The following PNPLA7 variants were observed in gnomAD, a reference collection of about 807,000 sequenced individuals.
PNPLA7 encodes patatin-like phospholipase domain-containing protein 7.
PNPLA7 carries 153 observed loss-of-function variants against 161.7 expected under a neutral mutation model. That is an observed-to-expected ratio of 0.95 (90% CI 0.83 to 1.08). The LOEUF (loss-of-function observed/expected upper bound fraction) is 1.08. PNPLA7 is among the 50% of genes least tolerant of loss of function. The probability of loss-of-function intolerance (pLI) is 0.00; values close to 1 mark genes in which losing one functional copy is unlikely to be tolerated. For missense variants in PNPLA7, 1,739 were observed against 1,856.6 expected, an observed-to-expected ratio of 0.94 and a Z score of 1.16; for synonymous variants, 809 against 782.1, an observed-to-expected ratio of 1.03 and a Z score of -0.57.
intron 8 of PNPLA7, among the ~76,000 whole-genome samples, chr9:137,527,035 G>A (rs1835335797): frequency 2.6e-5 from 4 of 152,048 alleles, no homozygotes; most frequent in East Asian, 1.9e-4. Flanking sequence ...TTGGGAGGCC[G>A]AGGCAGGTAG....
At chr9:137,513,393 T>G (rs1834339500) in intron 12 of PNPLA7, among the ~76,000 whole-genome samples, 1 of 151,748 alleles carries the variant, frequency 6.6e-6, no homozygotes, top group South Asian at 2.1e-4. Context: ...GGAGAATCAC[T>G]TGGACCTGGG....
At chr9:137,539,506 T>C (rs1166364906) in intron 8 of PNPLA7, among the ~76,000 whole-genome samples, 1 of 152,276 alleles carries the variant, frequency 6.6e-6, no homozygotes, top group South Asian at 2.1e-4. Context: ...ACCTCATCTC[T>C]ATCTCTACAA....
chr9:137,502,730 G>GGGGGGACGGGGGGGACGCGGGGGACGA (rs1554767770), intron 14 of PNPLA7, among the ~76,000 whole-genome samples: 1 of 40,986 alleles, frequency 2.4e-5, no homozygotes, highest in African/African-American at 1.4e-4. Flanking sequence ...GCGGGGGACG[G>GGGGGGACGGGGGGGACGCGGGGGACGA]GGGGGACGAG....
chr9:137,548,825 T>A (rs1450562355), intron 1 of PNPLA7, among the ~76,000 whole-genome samples: 2 of 152,110 alleles, frequency 1.3e-5, no homozygotes, highest in African/African-American at 4.8e-5. Flanking sequence ...CAAGACAGAA[T>A]GAGGACGTGC....
At chr9:137,522,325 C>T (rs2353075) in intron 9 of PNPLA7, among the ~76,000 whole-genome samples, 90,510 of 145,570 alleles carry the variant, frequency 0.62, 29,067 homozygotes, top group African/African-American at 0.83. Context: ...CCGCCCACCT[C>T]GGCCTCCCAC....
intron 25 of PNPLA7, among the ~76,000 whole-genome samples, chr9:137,469,548 C>T (rs556654263): frequency 1.3e-5 from 2 of 152,238 alleles, no homozygotes; most frequent in African/African-American, 2.4e-5. Flanking sequence ...ATAAAAGATG[C>T]GTTACCTTAA....
rs563628987 is a variant in PNPLA7 at position 137,465,376 on chromosome 9, G to A, written c.3040-920C>T. On this transcript the variant is annotated intron_variant, in intron 26 of 34. Coordinates refer to ENST00000406427, the MANE Select transcript of PNPLA7 (RefSeq NM_001098537.3). Reference sequence around the variant, plus strand: ...GCCCAGTGATCCCAGCACGGAAAGAGGACCAGCCCAGAGAGCTCTGGCCAT... The same window carrying A: ...GCCCAGTGATCCCAGCACGGAAAGAAGACCAGCCCAGAGAGCTCTGGCCAT... 2.3e-3 allele frequency among the ~76,000 whole-genome samples: 357 copies of A among 152,240 alleles called. 1 individual carries two copies. The highest frequency in any genetic ancestry group is 8.1e-3 in the African/African-American group (338 of 41,528).
Position 137,480,492 on chromosome 9 carries a change from A to G in PNPLA7, c.2412-12T>C. 1 of 1,598,970 alleles carries G rather than the reference A, an allele frequency of 6.3e-7. No individual in the cohort carries two copies. The highest frequency in any genetic ancestry group is 1.1e-5 in the South Asian group (1 of 89,836). On this transcript the variant is annotated splice_polypyrimidine_tract_variant and intron_variant, in intron 22 of 34. Coordinates refer to ENST00000406427, the MANE Select transcript of PNPLA7 (RefSeq NM_001098537.3). ...GGTACTCGTGAACACTGCAGCACGC[A>G]GAGGGAGTACCTCACTACTCCGCAG...
Position 137,520,851 on chromosome 9 carries a change from G to A in PNPLA7, c.957+785C>T, listed in dbSNP as rs985799603. Among the ~76,000 whole-genome samples, 88 of 152,332 alleles carry A rather than the reference G, an allele frequency of 5.8e-4. 1 individual carries two copies. Among genetic ancestry groups the A allele is most frequent in the African/African-American group, 1.6e-3 (67 of 41,574 alleles). On this transcript the variant is annotated intron_variant, in intron 10 of 34. Coordinates refer to ENST00000406427, the MANE Select transcript of PNPLA7 (RefSeq NM_001098537.3). This position sits in a 1 kb window ranked among gnomAD's most constrained non-coding sequence, Gnocchi z 5.2. ...GTTCAGGGTCAGCTCCGCCCCACCC[G>A]GTTCAGATAGGAGGAGCTGTCAAGG...
intron 17 of PNPLA7, 142 bp downstream of exon 17, chr9:137,497,972 G>T: frequency 7.5e-7 from 1 of 1,332,456 alleles, no homozygotes; most frequent in Non-Finnish European, 1.0e-6. Flanking sequence ...GCTGGGGTGG[G>T]GCTGGGGAAA....
At position 137,524,773 on chromosome 9, in the gene PNPLA7, G is replaced by A. The variant is rs1835215156; in HGVS notation, c.748-1916C>T. The stretch of plus-strand genomic sequence containing the variant: ...GATGCCCCGTGGAATGAGTTTCCGT[G>A]GATGCCCCGTGGAATGGGTTTCCGT... On this transcript the variant is annotated intron_variant, in intron 8 of 34. Transcript: ENST00000406427. This position sits in a 1 kb window ranked among gnomAD's most constrained non-coding sequence, Gnocchi z 4.4. Among the ~76,000 whole-genome samples, 1 of 151,996 alleles carries A rather than the reference G, an allele frequency of 6.6e-6. No individual in the cohort carries two copies. The highest frequency in any genetic ancestry group is 6.6e-5 in the Admixed American group (1 of 15,262).
At position 137,502,694 on chromosome 9, in the gene PNPLA7, G is replaced by GGGGGACGA. The variant is rs1833520985; in HGVS notation, c.1474-968_1474-967insTCGTCCCC. Among the ~76,000 whole-genome samples, 14 of 14,708 alleles carry GGGGGACGA rather than the reference G, an allele frequency of 9.5e-4. 1 individual carries two copies. Among genetic ancestry groups the GGGGGACGA allele is most frequent in the Non-Finnish European group, 1.2e-3 (11 of 8,914 alleles). 9.6% of individuals were successfully genotyped at this position (14,708 alleles called of 152,430 possible). On this transcript the variant is annotated intron_variant, in intron 14 of 34. Transcript: ENST00000406427. ...GAGCCTTCGGGAGATGAGGGGGACGGGGGGGACGCGGGGGACGCGGGGGAC... is the reference window on the plus strand; with the variant it reads ...GAGCCTTCGGGAGATGAGGGGGACGGGGGGACGAGGGGGACGCGGGGGACGCGGGGGAC...
chr9:137,488,901 C>T (rs1457981379), intron 20 of PNPLA7, among the ~76,000 whole-genome samples: 1 of 143,884 alleles, frequency 7.0e-6, no homozygotes, highest in Non-Finnish European at 1.5e-5. Context: ...TCCCAACTGT[C>T]TACTCACTGA....
At chr9:137,489,802 T>G (rs1832679869) in intron 20 of PNPLA7, among the ~76,000 whole-genome samples, 1 of 152,158 alleles carries the variant, frequency 6.6e-6, no homozygotes, top group African/African-American at 2.4e-5. Context: ...CAATTCCATC[T>G]TAACATCAGA....
In PNPLA7 at chr9:137,547,744, G is replaced by A. The variant is rs972518272; in HGVS notation, c.31-85C>T. ...CAGAGCAGCAGGAGGAGAGCTGGGA[G>A]TTAGGGGAGAAGTCAGCAGCCCTGG... On this transcript the variant is annotated intron_variant, in intron 1 of 34. Transcript: ENST00000406427. This position sits in a 1 kb window ranked among gnomAD's most constrained non-coding sequence, Gnocchi z 4.6. 6.9e-6 allele frequency: 9 copies of A among 1,305,584 alleles called. No individual in the cohort carries two copies. The African/African-American group carries it at 8.7e-5, about 13-fold the overall frequency. The allele number at this position is 1,305,584 out of a possible 1,614,324, so 80.9% of individuals were successfully genotyped here. A position where few individuals can be genotyped will look rare whatever the true frequency, so the allele number is the denominator to read the frequency against.
In PNPLA7 at chr9:137,478,008, A is replaced by G. The variant is rs375976332; in HGVS notation, c.2882+26T>C. On this transcript the variant is annotated intron_variant, in intron 25 of 34. Coordinates refer to ENST00000406427, the MANE Select transcript of PNPLA7 (RefSeq NM_001098537.3). The stretch of plus-strand genomic sequence containing the variant: ...ACTGTCACCACACACACCAGTGAGG[A>G]GTGTGTAGGAAGCGGGGGGACTCAC... 2.3e-5 allele frequency: 31 copies of G among 1,377,728 alleles called. No individual in the cohort carries two copies. The African/African-American group carries it at 4.2e-4, about 19-fold the overall frequency. 85.3% of individuals were successfully genotyped at this position (1,377,728 alleles called of 1,614,324 possible).
At position 137,515,490 on chromosome 9, in the gene PNPLA7, C is replaced by A; in HGVS notation, c.1114G>T (p.Gly372Trp). ...GAGTGGCTCCTCTTCAGCAGGGGCC[C>A]AGCAGCTGCCGGGCGGCCGCCCCCG... Reference protein sequence around the residue: ...DHGGGRPAAAGPLLKRSHSVP... With the variant: ...DHGGGRPAAAWPLLKRSHSVP... The change falls in exon 12 of 35, where the codon GGG (glycine) becomes TGG (tryptophan). Residue 372 changes from glycine to tryptophan, a missense_variant. Gly to Trp is a radical substitution (Grantham distance 184). Coordinates refer to ENST00000406427, the MANE Select transcript of PNPLA7 (RefSeq NM_001098537.3). 1 of 1,569,704 alleles carries A rather than the reference C, an allele frequency of 6.4e-7. No individual in the cohort carries two copies. The highest frequency in any genetic ancestry group is 2.3e-5 in the East Asian group (1 of 43,520).
Position 137,484,597 on chromosome 9 carries a change from G to C in PNPLA7, c.2337C>G (p.Leu779=), listed in dbSNP as rs553214318. 1.2e-6 allele frequency: 2 copies of C among 1,608,342 alleles called. No homozygotes were observed. The highest frequency in any genetic ancestry group is 1.7e-6 in the Non-Finnish European group (2 of 1,176,524). ...TAFALELEHA[L]SAIGPTLLLT... ...GAGGCTCAGGCTTACCGATGGCGCTGAGGGCATGCTCCAGCTCCAGGGCGA... is the reference window on the plus strand; with the variant it reads ...GAGGCTCAGGCTTACCGATGGCGCTCAGGGCATGCTCCAGCTCCAGGGCGA... Residue 779 remains leucine, a synonymous_variant, in exon 21 of 35, where the codon CTC becomes CTG. Transcript: ENST00000406427.
Position 137,540,775 on chromosome 9 carries a change from G to A in PNPLA7, c.667-53C>T. 2 of 1,529,280 alleles carry A rather than the reference G, an allele frequency of 1.3e-6. No homozygotes were observed. Among genetic ancestry groups the A allele is most frequent in the Non-Finnish European group, 1.8e-6 (2 of 1,124,624 alleles). The allele number at this position is 1,529,280 out of a possible 1,614,324, so 94.7% of individuals were successfully genotyped here. ...GTCAGGTCTGGGGCTGCGACCGCGG[G>A]GCCTGGCGGAGGCTCAGCCCAGCCC... On this transcript the variant is annotated intron_variant, in intron 7 of 34. Coordinates refer to ENST00000406427, the MANE Select transcript of PNPLA7 (RefSeq NM_001098537.3). This position sits in a 1 kb window ranked among gnomAD's most constrained non-coding sequence, Gnocchi z 5.1.
Sources: gnomAD v4.1 joint callset for allele counts (sites outside exome capture counted in the v4.1 genomes callset) on GRCh38, gnomAD v4.1.1 for gene constraint, Gnocchi (gnomAD v3.1) non-coding constraint, MANE v1.5 for transcripts, NCBI Gene and HGNC (gene_info 2026-07-23, HGNC 2026-07-21) for gene names.